The following CACNA1D variants were observed in gnomAD, a reference collection of about 807,000 sequenced individuals.
The protein encoded by CACNA1D is calcium voltage-gated channel subunit alpha1 D.
Under a neutral mutation model 257.1 loss-of-function variants are expected in CACNA1D, and 55 were observed. The observed-to-expected ratio is 0.21, with a 90% CI of 0.17 to 0.27. CACNA1D has a LOEUF of 0.27. Among genes scored for constraint, CACNA1D ranks in the 10% least tolerant of loss-of-function variants. The pLI is 1.00. For missense variants in CACNA1D, 1,876 were observed against 2,784.0 expected (o/e 0.67, Z 7.34); for synonymous variants, 980 against 1,014.9 (o/e 0.97, Z 0.65).
chr3:53,644,508 C>T (rs915025864), intron 3 of CACNA1D, among the ~76,000 whole-genome samples: 4 of 152,148 alleles, frequency 2.6e-5, no homozygotes, highest in Non-Finnish European at 5.9e-5. Context: ...AATCATCATT[C>T]TTCTCTCTGC....
chr3:53,773,019 T>C (rs1190876980), intron 33 of CACNA1D, 121 bp downstream of exon 33: 18 of 852,018 alleles, frequency 2.1e-5, no homozygotes, highest in Non-Finnish European at 3.2e-5. Flanking sequence ...ATGCCTCTGC[T>C]GAAGCCTAGG....
At chr3:53,512,270 TAG>T (rs1396460318) in intron 3 of CACNA1D, among the ~76,000 whole-genome samples, 9 of 152,214 alleles carry the variant, frequency 5.9e-5, no homozygotes, top group African/African-American at 1.7e-4. Flanking sequence ...TGTGGCAAAG[TAG>T]AGACAGCCAG....
intron 3 of CACNA1D, among the ~76,000 whole-genome samples, chr3:53,536,965 T>A (rs1353473927): frequency 2.0e-5 from 3 of 152,266 alleles, no homozygotes; most frequent in Non-Finnish European, 4.4e-5. Flanking sequence ...GTTATTTTTC[T>A]TTCTACTTTT....
At chr3:53,695,375 G>T (rs2094564087) in intron 8 of CACNA1D, among the ~76,000 whole-genome samples, 1 of 152,166 alleles carries the variant, frequency 6.6e-6, no homozygotes, top group East Asian at 1.9e-4. Context: ...GAGACCCTCA[G>T]CAGGCATCCT....
rs1374018957 is a variant in CACNA1D, at chr3:53,724,047, A to G, written c.2100+48A>G. 5 of 1,427,890 alleles carry G rather than the reference A, an allele frequency of 3.5e-6. No individual in the cohort carries two copies. The South Asian group carries it at 5.7e-5, about 16-fold the overall frequency. 88.5% of individuals were successfully genotyped at this position (1,427,890 alleles called of 1,614,324 possible). Reference sequence around the variant, plus strand: ...GAAAAGCACTTCGTGAGCAGCAGCTAAAACTCCTCTGCCTTCTTGTCTGCT... The same window carrying G: ...GAAAAGCACTTCGTGAGCAGCAGCTGAAACTCCTCTGCCTTCTTGTCTGCT... On this transcript the variant is annotated intron_variant, in intron 14 of 47. Transcript: ENST00000350061.
At chr3:53,614,680 T>TA (rs2093618195) in intron 3 of CACNA1D, among the ~76,000 whole-genome samples, 1 of 152,196 alleles carries the variant, frequency 6.6e-6, no homozygotes, top group Non-Finnish European at 1.5e-5. Flanking sequence ...AATGGAGAGG[T>TA]AATCAGTGTA....
At chr3:53,523,037 T>C (rs1185679534) in intron 3 of CACNA1D, among the ~76,000 whole-genome samples, 2 of 152,224 alleles carry the variant, frequency 1.3e-5, no homozygotes, top group Non-Finnish European at 2.9e-5. Flanking sequence ...TGTGCCTGGC[T>C]TATTTCACTT....
chr3:53,580,720 ACT>A (rs956631762), intron 3 of CACNA1D, among the ~76,000 whole-genome samples: 2 of 152,226 alleles, frequency 1.3e-5, no homozygotes, highest in African/African-American at 4.8e-5. Context: ...CAGTGCAAAT[ACT>A]CAGTATTTGT....
At chr3:53,659,208 C>T (rs1406365865) in intron 4 of CACNA1D, among the ~76,000 whole-genome samples, 18 of 152,066 alleles carry the variant, frequency 1.2e-4, no homozygotes, top group Non-Finnish European at 4.4e-5. Flanking sequence ...GAGCAGATTG[C>T]CTGAAAATAG....
At chr3:53,672,475 A>T (rs1247965398) in intron 7 of CACNA1D, among the ~76,000 whole-genome samples, 2 of 152,212 alleles carry the variant, frequency 1.3e-5, no homozygotes, top group Non-Finnish European at 2.9e-5. Context: ...TTCCAGTAGA[A>T]GATTATTTTA....
chr3:53,634,105 T>C (rs1380606), intron 3 of CACNA1D, among the ~76,000 whole-genome samples: 95,930 of 152,026 alleles, frequency 0.63, 32,434 homozygotes, highest in African/African-American at 0.87. Flanking sequence ...TGACTATGGA[T>C]GGTGAACTAT....
intron 3 of CACNA1D, among the ~76,000 whole-genome samples, chr3:53,508,763 A>G (rs1398408932): frequency 1.3e-5 from 2 of 152,210 alleles, no homozygotes; most frequent in Admixed American, 1.3e-4. Context: ...CCAGCAGTAG[A>G]GACACTTGGG....
rs1400055351 is a variant in CACNA1D, at chr3:53,718,722, T to G, written c.1478+334T>G. Reference sequence around the variant, plus strand: ...GAGAGGCGCGGCCAAGGCGGGGCCCTCTGGGTGTCGGCGGTGGGGGTAAAG... The same window carrying G: ...GAGAGGCGCGGCCAAGGCGGGGCCCGCTGGGTGTCGGCGGTGGGGGTAAAG... On this transcript the variant is annotated intron_variant, in intron 10 of 47. Coordinates refer to ENST00000350061, the MANE Select transcript of CACNA1D (RefSeq NM_001128840.3). The G allele has an allele frequency of 8.3e-6, 13 of 1,558,434 alleles. No homozygotes were observed. The highest frequency in any genetic ancestry group is 1.4e-5 in the African/African-American group (1 of 73,632).
chr3:53,800,523 C>A lies in CACNA1D; in HGVS notation c.5040+158C>A. The A allele has an allele frequency of 1.4e-6, 1 of 723,534 alleles. No homozygotes were observed. 44.8% of individuals were successfully genotyped at this position (723,534 alleles called of 1,614,324 possible). A position where few individuals can be genotyped will look rare whatever the true frequency, so the allele number is the denominator to read the frequency against. On this transcript the variant is annotated intron_variant, in intron 41 of 47. Coordinates refer to ENST00000350061, the MANE Select transcript of CACNA1D (RefSeq NM_001128840.3). This position sits in a 1 kb window ranked among gnomAD's most constrained non-coding sequence, Gnocchi z 4.3. ...ACCACACCCTCCCCCTCTTACAGAC[C>A]CTCCCCAGGCATCAGCACCTCTTCT...
intron 9 of CACNA1D, among the ~76,000 whole-genome samples, chr3:53,709,060 A>T (rs2094722259): frequency 6.6e-6 from 1 of 152,218 alleles, no homozygotes; most frequent in Non-Finnish European, 1.5e-5. Flanking sequence ...CCATGAGACC[A>T]TCAGCTCCAT....
intron 8 of CACNA1D, among the ~76,000 whole-genome samples, chr3:53,691,742 CAT>C (rs1381109816): frequency 8.7e-5 from 3 of 34,322 alleles, no homozygotes; most frequent in South Asian, 1.3e-3. Flanking sequence ...ATATATATTA[CAT>C]ATATAATATA....
At chr3:53,545,735 G>T (rs938665520) in intron 3 of CACNA1D, among the ~76,000 whole-genome samples, 4 of 152,178 alleles carry the variant, frequency 2.6e-5, no homozygotes, top group Non-Finnish European at 4.4e-5. Context: ...GCCAAACCTG[G>T]ACACTTTCTT....
At chr3:53,543,327 A>C (rs540352154) in intron 3 of CACNA1D, among the ~76,000 whole-genome samples, 1 of 152,088 alleles carries the variant, frequency 6.6e-6, no homozygotes, top group African/African-American at 2.4e-5. Context: ...CCATCCCCCA[A>C]CCCATTTCGG....
At chr3:53,538,625 A>G (rs1165227158) in intron 3 of CACNA1D, among the ~76,000 whole-genome samples, 2 of 152,130 alleles carry the variant, frequency 1.3e-5, no homozygotes, top group Non-Finnish European at 2.9e-5. Flanking sequence ...ACCTTCTCAC[A>G]TTGGTCCCTG....
Sources: gnomAD v4.1 joint callset for allele counts (sites outside exome capture counted in the v4.1 genomes callset) on GRCh38, gnomAD v4.1.1 for gene constraint, Gnocchi (gnomAD v3.1) non-coding constraint, MANE v1.5 for transcripts, NCBI Gene and HGNC (gene_info 2026-07-23, HGNC 2026-07-21) for gene names.